The following PLCB1 variants were observed in gnomAD, a reference collection of about 807,000 sequenced individuals.
The protein encoded by PLCB1 is phospholipase C beta 1.
A neutral mutation model predicts 161.8 loss-of-function variants in PLCB1; 46 were observed. That is an observed-to-expected ratio of 0.28 (90% CI 0.22 to 0.36). The LOEUF (loss-of-function observed/expected upper bound fraction) is 0.36. Among genes scored for constraint, PLCB1 ranks in the 10% least tolerant of loss-of-function variants. The pLI is 1.00. For synonymous variants in PLCB1, 517 were observed against 503.7 expected (o/e 1.03, Z -0.35); for missense variants, 1,016 against 1,472.5 (o/e 0.69, Z 5.07).
chr20:8,171,875 G>T (rs549682223), intron 2 of PLCB1, among the ~76,000 whole-genome samples: 343 of 152,294 alleles, frequency 2.3e-3, no homozygotes, highest in African/African-American at 7.7e-3. Flanking sequence ...AACCTATAGG[G>T]TAGCACTTCC....
intron 2 of PLCB1, among the ~76,000 whole-genome samples, chr20:8,152,764 A>G (rs1371465027): frequency 2.0e-5 from 3 of 152,088 alleles, no homozygotes; most frequent in Non-Finnish European, 4.4e-5. Flanking sequence ...TTCTTCCAAT[A>G]TATTCCCTCT....
intron 31 of PLCB1, among the ~76,000 whole-genome samples, chr20:8,819,767 A>G (rs984577318): frequency 2.6e-5 from 4 of 152,140 alleles, no homozygotes; most frequent in Admixed American, 2.0e-4. Context: ...ACTTCCACCA[A>G]CAGTTTACAG....
At chr20:8,644,268 A>G (rs531188877) in intron 4 of PLCB1, among the ~76,000 whole-genome samples, 2,981 of 145,966 alleles carry the variant, frequency 0.02, 58 homozygotes, top group African/African-American at 0.069. Context: ...CGTCTGGGAC[A>G]TGAGGAGCCC....
At chr20:8,548,766 TGTTCC>T (rs1985664333) in intron 3 of PLCB1, among the ~76,000 whole-genome samples, 2 of 38,166 alleles carry the variant, frequency 5.2e-5, no homozygotes, top group African/African-American at 2.2e-4. Context: ...CTTAATTTTA[TGTTCC>T]ATGTTCTCAA....
intron 2 of PLCB1, among the ~76,000 whole-genome samples, chr20:8,308,120 A>G (rs1984220859): frequency 6.6e-6 from 1 of 152,020 alleles, no homozygotes; most frequent in Non-Finnish European, 1.5e-5. Context: ...TTCTCCTGGT[A>G]AGGAGACAGT....
intron 31 of PLCB1, among the ~76,000 whole-genome samples, chr20:8,826,701 T>C (rs1216353220): frequency 6.6e-6 from 1 of 152,210 alleles, no homozygotes; most frequent in Non-Finnish European, 1.5e-5. Flanking sequence ...ACTCTAGAAT[T>C]TCCTCAGTTA....
intron 31 of PLCB1, among the ~76,000 whole-genome samples, chr20:8,824,073 AT>A (rs1985568480): frequency 6.6e-6 from 1 of 152,168 alleles, no homozygotes; most frequent in South Asian, 2.1e-4. Flanking sequence ...CACATCCAGC[AT>A]TCAGACTGTC....
chr20:8,411,078 T>C (rs1054066850), intron 3 of PLCB1, among the ~76,000 whole-genome samples: 2 of 152,238 alleles, frequency 1.3e-5, no homozygotes, highest in South Asian at 4.1e-4. Flanking sequence ...CAATTTGTTA[T>C]GGCAGCCTCA....
At chr20:8,481,381 CT>C (rs1338983977) in intron 3 of PLCB1, among the ~76,000 whole-genome samples, 1 of 152,048 alleles carries the variant, frequency 6.6e-6, no homozygotes, top group Non-Finnish European at 1.5e-5. Flanking sequence ...ATATATTTTA[CT>C]TTGAAGGGGC....
chr20:8,872,733 C>A lies in PLCB1; in HGVS notation c.3424-8889C>A, dbSNP rs117248958. On this transcript the variant is annotated intron_variant, in intron 31 of 31. Coordinates refer to ENST00000338037, the MANE Select transcript of PLCB1 (RefSeq NM_015192.4). The stretch of plus-strand genomic sequence containing the variant: ...TGTGGATGTTTTTCCTCAATGTGCT[C>A]CATGAATCATTTGCTTCCTTGCCTC... 8.3e-3 allele frequency among the ~76,000 whole-genome samples: 1,263 copies of A among 152,162 alleles called. 13 individuals carry two copies. Among genetic ancestry groups the A allele is most frequent in the Non-Finnish European group, 0.012 (818 of 67,986 alleles).
At chr20:8,799,822 T>A (rs1984201504) in intron 31 of PLCB1, among the ~76,000 whole-genome samples, 1 of 152,210 alleles carries the variant, frequency 6.6e-6, no homozygotes. Context: ...ATGCATATTC[T>A]CCCATGTACT....
chr20:8,543,610 C>T (rs1221514829), intron 3 of PLCB1, among the ~76,000 whole-genome samples: 2 of 107,442 alleles, frequency 1.9e-5, no homozygotes, highest in African/African-American at 7.1e-5. Flanking sequence ...AAACTACTTC[C>T]AAAGAGTTCC....
intron 3 of PLCB1, among the ~76,000 whole-genome samples, chr20:8,458,273 G>T (rs1452428142): frequency 6.6e-6 from 1 of 152,144 alleles, no homozygotes; most frequent in Non-Finnish European, 1.5e-5. Flanking sequence ...CAGAGGTGGT[G>T]CTCAGAATTC....
intron 23 of PLCB1, chr20:8,750,931 C>CTTTT: frequency 4.1e-6 from 2 of 487,320 alleles, no homozygotes; most frequent in Non-Finnish European, 3.1e-6. Context: ...AAGAACTGCA[C>CTTTT]TCTTTTTTTT....
chr20:8,248,036 C>T (rs1052946530), intron 2 of PLCB1, among the ~76,000 whole-genome samples: 1 of 151,930 alleles, frequency 6.6e-6, no homozygotes, highest in African/African-American at 2.4e-5. Flanking sequence ...TCCCCAGAAA[C>T]AGACCTTGAA....
At chr20:8,167,606 TTAGA>T (rs1190715303) in intron 2 of PLCB1, among the ~76,000 whole-genome samples, 4 of 152,232 alleles carry the variant, frequency 2.6e-5, no homozygotes, top group African/African-American at 7.2e-5. Flanking sequence ...GATTGCATTA[TTAGA>T]TAGTGACGTA....
chr20:8,592,674 G>A (rs1987186350), intron 3 of PLCB1, among the ~76,000 whole-genome samples: 1 of 152,206 alleles, frequency 6.6e-6, no homozygotes, highest in Non-Finnish European at 1.5e-5. Flanking sequence ...GTGATCAGGA[G>A]TGGAATTTTC....
At chr20:8,652,341 T>G (rs990657576) in intron 7 of PLCB1, 1 of 152,178 alleles carries the variant, frequency 6.6e-6, no homozygotes, top group African/African-American at 2.4e-5. Flanking sequence ...TTATTCATAG[T>G]AAAGTATAAT....
chr20:8,696,985 A>G (rs1388366922), intron 10 of PLCB1, among the ~76,000 whole-genome samples: 1 of 152,162 alleles, frequency 6.6e-6, no homozygotes, highest in East Asian at 1.9e-4. Flanking sequence ...CGCTCGCCTC[A>G]GCCTCCCAAA....
Sources: allele counts gnomAD v4.1 joint callset (sites outside exome capture counted in the v4.1 genomes callset), GRCh38; gene constraint gnomAD v4.1.1; transcripts MANE v1.5; gene names NCBI Gene and HGNC (gene_info 2026-07-23, HGNC 2026-07-21).